Variants in MPP7 observed in about 807,000 individuals in gnomAD.
The protein encoded by MPP7 is MAGUK p55 subfamily member 7.
In MPP7, 60 loss-of-function variants were observed where a neutral mutation model predicts 76.5. That is an observed-to-expected ratio of 0.78 (90% CI 0.64 to 0.97). The LOEUF (loss-of-function observed/expected upper bound fraction) is 0.97. Among genes scored for constraint, MPP7 ranks in the 50% least tolerant of loss-of-function variants. The probability of loss-of-function intolerance (pLI) is 0.00; values close to 1 mark genes in which losing one functional copy is unlikely to be tolerated. For synonymous variants in MPP7, 237 were observed against 244.5 expected, an observed-to-expected ratio of 0.97 and a Z score of 0.29; for missense variants, 641 against 694.0, an observed-to-expected ratio of 0.92 and a Z score of 0.86.
At chr10:28,315,591 G>T (rs1455931176) in intron 2 of MPP7, among the ~76,000 whole-genome samples, 1 of 152,148 alleles carries the variant, frequency 6.6e-6, no homozygotes, top group African/African-American at 2.4e-5. Context: ...TCTTTTAGTT[G>T]TTGAAAGCTA....
At chr10:28,296,509 G>A (rs1050903104) in intron 1 of MPP7, among the ~76,000 whole-genome samples, 3 of 152,274 alleles carry the variant, frequency 2.0e-5, no homozygotes, top group East Asian at 3.9e-4. Context: ...AAATGCAGTC[G>A]TACCAGCTAG....
chr10:28,254,751 G>A (rs1839730653), intron 1 of MPP7: 3 of 152,166 alleles, frequency 2.0e-5, no homozygotes, highest in Non-Finnish European at 4.4e-5. Flanking sequence ...GAAAAACAGG[G>A]AGAAACTTGC....
intron 1 of MPP7, among the ~76,000 whole-genome samples, chr10:28,269,143 C>T (rs1015579565): frequency 6.6e-6 from 1 of 152,178 alleles, no homozygotes; most frequent in African/African-American, 2.4e-5. Context: ...TACTTTACGT[C>T]TCTAAAACCC....
chr10:28,299,766 CTTT>C (rs59047415), intron 1 of MPP7, among the ~76,000 whole-genome samples: 28 of 132,728 alleles, frequency 2.1e-4, no homozygotes, highest in Non-Finnish European at 2.5e-4. Context: ...AAATTCAAGA[CTTT>C]TTTTTTTTTT....
chr10:28,056,665 C>T (rs761921730), intron 15 of MPP7, 42 bp from the exon 16 acceptor site: 3 of 1,487,950 alleles, frequency 2.0e-6, no homozygotes, highest in South Asian at 2.8e-5. Context: ...TTCTCCATAG[C>T]ATCATGAATT....
chr10:28,100,121 TAAAA>T (rs10552894), intron 11 of MPP7, among the ~76,000 whole-genome samples: 7 of 139,928 alleles, frequency 5.0e-5, no homozygotes, highest in Admixed American at 2.1e-4. Context: ...TTAAGAAGAT[TAAAA>T]AAAAAAAAAA....
chr10:28,316,702 T>G (rs1013122629), intron 2 of MPP7, among the ~76,000 whole-genome samples: 3 of 152,176 alleles, frequency 2.0e-5, no homozygotes, highest in African/African-American at 7.2e-5. Context: ...TGGAGTTGTA[T>G]GTAGACATGC....
chr10:28,226,184 A>C (rs186829703), intron 2 of MPP7, among the ~76,000 whole-genome samples: 208 of 152,328 alleles, frequency 1.4e-3, no homozygotes, highest in African/African-American at 4.7e-3. Flanking sequence ...AATATCTAAA[A>C]TAGACAAATT....
chr10:28,179,213 T>C (rs1332450955), intron 3 of MPP7, among the ~76,000 whole-genome samples: 1 of 152,168 alleles, frequency 6.6e-6, no homozygotes, highest in African/African-American at 2.4e-5. Context: ...AACTTTCAGA[T>C]CTTATTTAAC....
chr10:28,205,936 T>A (rs930387405), intron 2 of MPP7, among the ~76,000 whole-genome samples: 1 of 152,096 alleles, frequency 6.6e-6, no homozygotes, highest in Admixed American at 6.5e-5. Flanking sequence ...ATCTTGGGAA[T>A]GGGTTCATTA....
chr10:28,306,670 G>GAGAC (rs1206682581), upstream of MPP7, among the ~76,000 whole-genome samples: 1 of 151,522 alleles, frequency 6.6e-6, no homozygotes, highest in Non-Finnish European at 1.5e-5. Flanking sequence ...TAGATAGATA[G>GAGAC]AGAGAGAGAG....
At chr10:28,120,484 T>A in intron 9 of MPP7, 94 bp from the exon 10 acceptor site, 1 of 1,491,178 alleles carries the variant, frequency 6.7e-7, no homozygotes, top group East Asian at 2.3e-5. Context: ...CATAGTAATT[T>A]TAAAACTGGA....
chr10:28,302,312 ATGC>A (rs1271412644), intron 1 of MPP7, among the ~76,000 whole-genome samples: 2 of 152,212 alleles, frequency 1.3e-5, no homozygotes. Context: ...TTCACGCTAA[ATGC>A]TGCTTTTAAT....
intron 3 of MPP7, among the ~76,000 whole-genome samples, chr10:28,165,604 T>G (rs7085245): frequency 0.16 from 24,273 of 151,590 alleles, 2,262 homozygotes; most frequent in East Asian, 0.37. Context: ...GCCTCAAATA[T>G]TTTAAAGGCA....
chr10:28,057,903 T>A (rs1397989313), intron 15 of MPP7: 29 of 1,184,688 alleles, frequency 2.4e-5, no homozygotes, highest in Non-Finnish European at 3.0e-5. Context: ...GATGTATGGT[T>A]TGATAGGGAA....
intron 2 of MPP7, among the ~76,000 whole-genome samples, chr10:28,310,046 G>A (rs187380693): frequency 0.011 from 1,582 of 142,928 alleles, 38 homozygotes; most frequent in African/African-American, 0.04. Context: ...CTGTCACCCA[G>A]GCTGGAGTGC....
At chr10:28,149,935 A>G (rs1309184005) in intron 4 of MPP7, 47 bp downstream of exon 4, 1 of 1,469,600 alleles carries the variant, frequency 6.8e-7, no homozygotes, top group Admixed American at 1.7e-5. Context: ...TGCCTGGGCC[A>G]GGTCTGCAGC....
chr10:28,080,087 G>C (rs112072758), intron 12 of MPP7, among the ~76,000 whole-genome samples: 3,818 of 142,898 alleles, frequency 0.027, 197 homozygotes, highest in African/African-American at 0.093. Flanking sequence ...GAGGGAGAGG[G>C]GAGGGGAAAA....
chr10:28,090,420 G>T (rs1412716990), intron 11 of MPP7, among the ~76,000 whole-genome samples: 1 of 152,080 alleles, frequency 6.6e-6, no homozygotes, highest in Admixed American at 6.6e-5. Context: ...AAAAATCATT[G>T]AGTAAAATAA....
Sources: allele counts gnomAD v4.1 joint callset (sites outside exome capture counted in the v4.1 genomes callset), GRCh38; gene constraint gnomAD v4.1.1; transcripts MANE v1.5; gene names NCBI Gene and HGNC (gene_info 2026-07-23, HGNC 2026-07-21).